UXS1: variants seen among roughly 807,000 people sequenced by gnomAD.
The protein encoded by UXS1 is UDP-glucuronic acid decarboxylase 1.
Under a neutral mutation model 62.6 loss-of-function variants are expected in UXS1, and 33 were observed. The ratio of observed to expected loss-of-function variants is 0.53; its 90% CI spans 0.40 to 0.70. The LOEUF (loss-of-function observed/expected upper bound fraction) is 0.70. Among genes scored for constraint, UXS1 ranks in the 30% least tolerant of loss-of-function variants. The pLI is 0.00. For synonymous variants in UXS1, 213 were observed against 206.8 expected, an observed-to-expected ratio of 1.03 and a Z score of -0.26; for missense variants, 434 against 556.3, an observed-to-expected ratio of 0.78 and a Z score of 2.21.
At chr2:106,175,105 C>G (rs1050639539) in intron 1 of UXS1, among the ~76,000 whole-genome samples, 1 of 152,186 alleles carries the variant, frequency 6.6e-6, no homozygotes, top group African/African-American at 2.4e-5. Context: ...AAAGATGCCC[C>G]CCATTTCAGG....
intron 14 of UXS1, among the ~76,000 whole-genome samples, chr2:106,096,487 G>A (rs544674964): frequency 9.7e-4 from 147 of 152,306 alleles, no homozygotes; most frequent in Non-Finnish European, 1.5e-3. Flanking sequence ...GAGATTTTAC[G>A]AAAACAGAGC....
At chr2:106,164,658 G>A in intron 3 of UXS1, 78 bp downstream of exon 3, 8 of 1,143,364 alleles carry the variant, frequency 7.0e-6, no homozygotes, top group South Asian at 1.5e-5. Context: ...GCCACAATAA[G>A]AATGACAGCA....
rs1677146418 is a variant in UXS1 at position 106,096,783 on chromosome 2, C to T, written c.1081G>A (p.Asp361Asn). Residue 361 changes from aspartate (D) to asparagine (N), a missense_variant, in exon 14 of 15, where the codon GAT (aspartate) becomes AAT (asparagine). Physicochemically the swap from Asp to Asn is conservative, Grantham distance 23. Transcript: ENST00000283148. ...SEIQFLSEAQ[D>N]DPQKRKPDIK... ...TCTGGTTTTCTTTTCTGTGGGTCAT[C>T]CTGGGCTTCGGAGAGAAACTGAATT... 1.3e-6 allele frequency: 2 copies of T among 1,593,626 alleles called. No homozygotes were observed. Among genetic ancestry groups the T allele is most frequent in the Non-Finnish European group, 8.6e-7 (1 of 1,168,738 alleles).
At chr2:106,162,080 C>T (rs1682933897) in intron 4 of UXS1, among the ~76,000 whole-genome samples, 2 of 152,260 alleles carry the variant, frequency 1.3e-5, no homozygotes, top group Admixed American at 1.3e-4. Context: ...GCTTTTTTAG[C>T]CAGGCCTACG....
intron 10 of UXS1, among the ~76,000 whole-genome samples, chr2:106,106,593 G>C (rs1403479827): frequency 6.6e-6 from 1 of 152,178 alleles, no homozygotes; most frequent in African/African-American, 2.4e-5. Flanking sequence ...AGAAACTACA[G>C]CTGCAACAAA....
intron 7 of UXS1, among the ~76,000 whole-genome samples, chr2:106,128,784 A>C (rs1680187644): frequency 6.6e-6 from 1 of 152,166 alleles, no homozygotes; most frequent in African/African-American, 2.4e-5. Flanking sequence ...ACCACCCCCT[A>C]AAATATTGCA....
intron 13 of UXS1, 128 bp downstream of exon 13, chr2:106,098,588 T>C (rs72945642): frequency 5.4e-6 from 4 of 741,610 alleles, no homozygotes. Context: ...TAAGTATTCC[T>C]GATAAAAAGT....
At chr2:106,188,033 C>T (rs185327572) in intron 1 of UXS1, among the ~76,000 whole-genome samples, 121 of 152,326 alleles carry the variant, frequency 7.9e-4, no homozygotes, top group Admixed American at 2.5e-3. Context: ...TGAGCCACCG[C>T]GACCAGCCTT....
chr2:106,101,761 T>C (rs1677619158), intron 11 of UXS1: 1 of 152,376 alleles, frequency 6.6e-6, no homozygotes, highest in Non-Finnish European at 1.5e-5. Context: ...TGTGATCAAC[T>C]AGGCCATGAA....
intron 5 of UXS1, 100 bp downstream of exon 5, chr2:106,157,958 T>TA: frequency 9.4e-7 from 1 of 1,065,860 alleles, no homozygotes; most frequent in Non-Finnish European, 1.4e-6. Flanking sequence ...CACTGAATCG[T>TA]ATCTTTGAGA....
chr2:106,161,419 G>C (rs1682889867), intron 4 of UXS1, among the ~76,000 whole-genome samples: 1 of 152,132 alleles, frequency 6.6e-6, no homozygotes, highest in Admixed American at 6.5e-5. Flanking sequence ...AAGACCTGTA[G>C]CAGGTGAAAA....
At chr2:106,175,363 T>G (rs566982913) in intron 1 of UXS1, among the ~76,000 whole-genome samples, 14 of 152,196 alleles carry the variant, frequency 9.2e-5, no homozygotes, top group Non-Finnish European at 1.8e-4. Flanking sequence ...AAAAACAGTT[T>G]CTCTGCCAAG....
At chr2:106,126,515 G>A (rs1679966875) in intron 7 of UXS1, among the ~76,000 whole-genome samples, 2 of 152,146 alleles carry the variant, frequency 1.3e-5, no homozygotes, top group African/African-American at 2.4e-5. Context: ...AGGGTGAGAC[G>A]AGCCAGGCAC....
At chr2:106,171,872 C>A (rs960542372) in intron 1 of UXS1, among the ~76,000 whole-genome samples, 1 of 152,254 alleles carries the variant, frequency 6.6e-6, no homozygotes, top group Non-Finnish European at 1.5e-5. Flanking sequence ...TGCTCTCCTA[C>A]CCTACGTTAT....
intron 3 of UXS1, 100 bp downstream of exon 3, chr2:106,164,636 C>T (rs1683101930): frequency 1.1e-6 from 1 of 913,006 alleles, no homozygotes; most frequent in African/African-American, 1.7e-5. Flanking sequence ...AATCACAGAA[C>T]AGCATCAAGC....
intron 6 of UXS1, among the ~76,000 whole-genome samples, chr2:106,139,692 T>G (rs1479717292): frequency 6.6e-6 from 1 of 152,212 alleles, no homozygotes; most frequent in Non-Finnish European, 1.5e-5. Flanking sequence ...TTTTTTAATT[T>G]TGTCTTAAGT....
chr2:106,171,864 C>T (rs1426716304), intron 1 of UXS1, among the ~76,000 whole-genome samples: 3 of 152,230 alleles, frequency 2.0e-5, no homozygotes, highest in African/African-American at 7.2e-5. Flanking sequence ...AGGGAGACTG[C>T]TCTCCTACCC....
chr2:106,167,054 A>G (rs1683258941), intron 1 of UXS1, among the ~76,000 whole-genome samples: 1 of 151,818 alleles, frequency 6.6e-6, no homozygotes, highest in South Asian at 2.1e-4. Context: ...TCCCTTCTAT[A>G]CTCTAGGCAC....
In UXS1 at chr2:106,097,064, G is replaced by T. The variant is rs895250094; in HGVS notation, c.1043-243C>A. The stretch of plus-strand genomic sequence containing the variant: ...GCAGGCGCCCAGCAAGAGCTCGGTG[G>T]GGGGCAGGTTATTCTGTCTCAACAG... On this transcript the variant is annotated intron_variant, in intron 13 of 14. Transcript: ENST00000283148. The T allele has an allele frequency of 1.9e-5, 12 of 632,330 alleles. No homozygotes were observed. The Admixed American group carries it at 2.1e-4, about 11-fold the overall frequency. 39.2% of individuals were successfully genotyped at this position (632,330 alleles called of 1,614,324 possible).
Sources: gnomAD v4.1 joint callset for allele counts (sites outside exome capture counted in the v4.1 genomes callset) on GRCh38, gnomAD v4.1.1 for gene constraint, MANE v1.5 for transcripts, NCBI Gene and HGNC (gene_info 2026-07-23, HGNC 2026-07-21) for gene names.